Variants in KAZN observed in about 807,000 individuals in gnomAD.
KAZN encodes kazrin.
KAZN carries 40 observed loss-of-function variants against 87.4 expected under a neutral mutation model. That is an observed-to-expected ratio of 0.46 (90% CI 0.36 to 0.60). The LOEUF is 0.60. Among genes scored for constraint, KAZN ranks in the 20% least tolerant of loss-of-function variants. The pLI, the probability that KAZN is intolerant of heterozygous loss-of-function variation, is 0.00. For missense variants in KAZN, 898 were observed against 1,073.9 expected (o/e 0.84, Z 2.29); for synonymous variants, 466 against 458.3 (o/e 1.02, Z -0.22).
At chr1:15,098,488 T>C (rs1996128) in intron 10 of KAZN, among the ~76,000 whole-genome samples, 127,144 of 151,916 alleles carry the variant, frequency 0.84, 53,557 homozygotes, top group African/African-American at 0.92. Context: ...GGTGCCCCCT[T>C]TGCAGCTCTC....
In KAZN at chr1:14,417,563, C is replaced by A. The variant is rs111486178; in HGVS notation, c.250-181420C>A. The stretch of plus-strand genomic sequence containing the variant: ...CACTGAAGTGAGACTGGGATATTGG[C>A]CCCTCCTGGCTGGTTGGAGTCAAAC... On this transcript the variant is annotated intron_variant, in intron 2 of 16. Coordinates refer to the KAZN transcript ENST00000636203. Among the ~76,000 whole-genome samples the A allele has an allele frequency of 5.7e-3, 875 of 152,246 alleles. 14 individuals carry two copies. The highest frequency in any genetic ancestry group is 0.02 in the African/African-American group (816 of 41,542).
intron 2 of KAZN, among the ~76,000 whole-genome samples, chr1:14,546,584 T>C (rs913703714): frequency 2.0e-5 from 3 of 152,158 alleles, no homozygotes; most frequent in Admixed American, 2.0e-4. Context: ...TCATTTGATC[T>C]TTCCTGCAGA....
chr1:15,036,978 C>T (rs1161247212), intron 3 of KAZN, among the ~76,000 whole-genome samples: 1 of 152,198 alleles, frequency 6.6e-6, no homozygotes, highest in Non-Finnish European at 1.5e-5. Flanking sequence ...CAGGGGCTTA[C>T]AGGGCCTGGG....
At chr1:14,365,326 T>C (rs571343107) in intron 2 of KAZN, among the ~76,000 whole-genome samples, 58 of 147,274 alleles carry the variant, frequency 3.9e-4, no homozygotes, top group Middle Eastern at 3.6e-3. Flanking sequence ...GGATTACAGG[T>C]GTGAGCCACC....
At chr1:14,843,958 T>C (rs1648353183) in intron 1 of KAZN, among the ~76,000 whole-genome samples, 1 of 152,234 alleles carries the variant, frequency 6.6e-6, no homozygotes, top group Non-Finnish European at 1.5e-5. Flanking sequence ...AACGATTTCT[T>C]CCTGCAGAGG....
At chr1:14,281,611 T>A (rs776734658) in intron 2 of KAZN, among the ~76,000 whole-genome samples, 1 of 152,198 alleles carries the variant, frequency 6.6e-6, no homozygotes, top group African/African-American at 2.4e-5. Context: ...TATGCACCCT[T>A]CCTTCTCCCA....
chr1:15,110,287 G>C (rs1405891251), intron 13 of KAZN, among the ~76,000 whole-genome samples: 3 of 151,712 alleles, frequency 2.0e-5, no homozygotes, highest in Non-Finnish European at 2.9e-5. Flanking sequence ...GTATGTTTGT[G>C]TGTGTGTATA....
At chr1:14,175,796 GGAA>G (rs1404078161) in intron 1 of KAZN, among the ~76,000 whole-genome samples, 7 of 152,162 alleles carry the variant, frequency 4.6e-5, no homozygotes, top group African/African-American at 1.7e-4. Context: ...GAATGATTTG[GGAA>G]GAAGGTTTGT....
At chr1:14,732,891 CAG>C (rs1199517925) in intron 1 of KAZN, among the ~76,000 whole-genome samples, 2 of 152,028 alleles carry the variant, frequency 1.3e-5, no homozygotes, top group African/African-American at 2.4e-5. Flanking sequence ...CTCAGTGACT[CAG>C]TGTTCGTTTC....
At chr1:14,598,604 C>T (rs544990256), upstream of KAZN, 998 of 1,042,848 alleles carry the variant, frequency 9.6e-4, 8 homozygotes, top group African/African-American at 0.016. The surrounding 1 kb of genome is among the most constrained non-coding windows in gnomAD (Gnocchi z 4.2). Context: ...AGGGTGCCCC[C>T]AGCCTCCGAC....
At chr1:14,913,086 C>T (rs1194580021) in intron 1 of KAZN, among the ~76,000 whole-genome samples, 2 of 152,142 alleles carry the variant, frequency 1.3e-5, no homozygotes, top group African/African-American at 2.4e-5. Context: ...TGGGAGGCCC[C>T]GAGCTAGACT....
chr1:14,433,718 G>T (rs1434317688), intron 2 of KAZN, among the ~76,000 whole-genome samples: 4 of 152,184 alleles, frequency 2.6e-5, no homozygotes, highest in African/African-American at 9.7e-5. Flanking sequence ...AACTTAGCCA[G>T]GTATGGTGGC....
chr1:14,643,407 T>A (rs145850812), intron 1 of KAZN, among the ~76,000 whole-genome samples: 1 of 152,338 alleles, frequency 6.6e-6, no homozygotes, highest in East Asian at 1.9e-4. Flanking sequence ...GACTTATAAG[T>A]GAGAACATGT....
intron 1 of KAZN, among the ~76,000 whole-genome samples, chr1:14,036,899 C>G (rs1431202827): frequency 6.6e-6 from 1 of 151,992 alleles, no homozygotes; most frequent in South Asian, 2.1e-4. Flanking sequence ...CCTGCCTCAG[C>G]CTCCCGAGTA....
intron 1 of KAZN, among the ~76,000 whole-genome samples, chr1:14,137,882 C>A (rs1314476487): frequency 6.6e-6 from 1 of 151,794 alleles, no homozygotes; most frequent in East Asian, 1.9e-4. Flanking sequence ...GCAGCCCATT[C>A]TATCTTTGAT....
rs373829822 is a variant in KAZN, at chr1:14,778,445, G to A, written c.226+179222G>A. Among the ~76,000 whole-genome samples the A allele has an allele frequency of 7.2e-5, 11 of 151,908 alleles. No individual in the cohort carries two copies. In the East Asian group the frequency reaches 1.9e-3, roughly 27 times the overall value. ...TCCAATGGCAGTTAGAGAGGAAGGG[G>A]ACATCATGAGGCAATGCCTCCCGTC... On this transcript the variant is annotated intron_variant, in intron 1 of 14. Coordinates refer to ENST00000376030, the MANE Select transcript of KAZN (RefSeq NM_201628.3).
At chr1:14,419,518 G>A (rs558061946) in intron 2 of KAZN, among the ~76,000 whole-genome samples, 135 of 152,318 alleles carry the variant, frequency 8.9e-4, no homozygotes, top group African/African-American at 3.2e-3. Flanking sequence ...AGTTCCCTCT[G>A]TGTGGGGAAG....
chr1:14,523,659 A>G (rs1007878814), intron 2 of KAZN, among the ~76,000 whole-genome samples: 1 of 152,152 alleles, frequency 6.6e-6, no homozygotes, highest in African/African-American at 2.4e-5. Flanking sequence ...TTCTTTGTAC[A>G]TTCCAGCTGC....
At chr1:14,742,655 G>T (rs1056917739) in intron 1 of KAZN, among the ~76,000 whole-genome samples, 1 of 152,208 alleles carries the variant, frequency 6.6e-6, no homozygotes, top group Non-Finnish European at 1.5e-5. Context: ...CTCCCAAGAA[G>T]TGTCAGCTCC....
Sources: allele counts gnomAD v4.1 joint callset (sites outside exome capture counted in the v4.1 genomes callset), GRCh38; gene constraint gnomAD v4.1.1; non-coding constraint Gnocchi (gnomAD v3.1); transcripts MANE v1.5; gene names NCBI Gene and HGNC (gene_info 2026-07-23, HGNC 2026-07-21).